C11orf65: variants seen among roughly 807,000 people sequenced by gnomAD.
The protein encoded by C11orf65 is chromosome 11 open reading frame 65, also known as protein MFI.
Under a neutral mutation model 35.3 loss-of-function variants are expected in C11orf65, and 38 were observed. That is an observed-to-expected ratio of 1.08 (90% confidence interval 0.83 to 1.41). The LOEUF (loss-of-function observed/expected upper bound fraction) is 1.41, where lower values mean the gene tolerates loss of function less well. Ranked by LOEUF, C11orf65 falls within the 40% of genes most tolerant of loss-of-function variation. The pLI is 0.00. For synonymous variants in C11orf65, 105 were observed against 114.4 expected (o/e 0.92, Z 0.53); for missense variants, 370 against 367.1 (o/e 1.01, Z -0.06).
intron 2 of C11orf65, among the ~76,000 whole-genome samples, chr11:108,446,775 C>T (rs1432321569): frequency 3.3e-5 from 5 of 152,256 alleles, no homozygotes; most frequent in Non-Finnish European, 7.3e-5. Context: ...CAAATTTACA[C>T]ATAACAATAT....
intron 6 of C11orf65, chr11:108,309,135 T>C (rs2083927884): frequency 4.3e-6 from 4 of 931,248 alleles, no homozygotes; most frequent in Non-Finnish European, 6.6e-6. Flanking sequence ...TCCAAGCTTG[T>C]GCTGTGTAAA....
chr11:108,446,765 C>G (rs1013093611), intron 2 of C11orf65, among the ~76,000 whole-genome samples: 1 of 152,220 alleles, frequency 6.6e-6, no homozygotes, highest in Middle Eastern at 3.4e-3. Flanking sequence ...ATGACAGGAC[C>G]AAATTTACAC....
intron 8 of C11orf65, 51 bp downstream of exon 8, chr11:108,385,869 T>G: frequency 1.4e-6 from 2 of 1,417,410 alleles, no homozygotes. Flanking sequence ...GTGTGGAATG[T>G]ATTTTTTGTT....
chr11:108,460,751 T>C (rs886572370), intron 2 of C11orf65, among the ~76,000 whole-genome samples: 69 of 152,080 alleles, frequency 4.5e-4, no homozygotes, highest in African/African-American at 1.2e-3. Flanking sequence ...GTTGTTGTTG[T>C]TGCTGCTGCT....
chr11:108,393,522 A>G (rs2092221145), intron 6 of C11orf65, 144 bp from the exon 7 acceptor site: 1 of 726,388 alleles, frequency 1.4e-6, no homozygotes, highest in African/African-American at 1.8e-5. Context: ...ACTCAGATGC[A>G]TCTAAACCAA....
At chr11:108,458,967 T>G (rs2093438743) in intron 2 of C11orf65, among the ~76,000 whole-genome samples, 1 of 152,226 alleles carries the variant, frequency 6.6e-6, no homozygotes, top group African/African-American at 2.4e-5. Flanking sequence ...TGTCAGTTTT[T>G]CTAGGCGCTA....
At chr11:108,409,247 G>A (rs2092612901) in intron 3 of C11orf65, among the ~76,000 whole-genome samples, 1 of 151,830 alleles carries the variant, frequency 6.6e-6, no homozygotes, top group African/African-American at 2.4e-5. Flanking sequence ...TATTATTGTT[G>A]GACATTTGAT....
chr11:108,392,860 T>A (rs972776286), intron 7 of C11orf65, among the ~76,000 whole-genome samples: 2 of 152,202 alleles, frequency 1.3e-5, no homozygotes, highest in Non-Finnish European at 2.9e-5. Flanking sequence ...TAGTGTCTCA[T>A]ACAGAAAGGT....
intron 2 of C11orf65, among the ~76,000 whole-genome samples, chr11:108,439,166 G>C (rs952830709): frequency 3.3e-5 from 5 of 152,118 alleles, no homozygotes; most frequent in Admixed American, 2.6e-4. Context: ...GTAAAAATGG[G>C]CAAAGGTCTT....
intron 2 of C11orf65, chr11:108,353,748 C>T (rs2137282809): frequency 6.4e-7 from 1 of 1,569,404 alleles, no homozygotes; most frequent in Non-Finnish European, 8.8e-7. Flanking sequence ...CCTAACTTCA[C>T]TGTATTCTTT....
At chr11:108,435,893 A>AACCCC (rs1338782368) in intron 2 of C11orf65, among the ~76,000 whole-genome samples, 1 of 152,182 alleles carries the variant, frequency 6.6e-6, no homozygotes, top group African/African-American at 2.4e-5. Context: ...ATATGCTGTT[A>AACCCC]CATGGAGAGG....
chr11:108,411,452 C>T (rs966605652), intron 3 of C11orf65, among the ~76,000 whole-genome samples: 3 of 152,192 alleles, frequency 2.0e-5, no homozygotes, highest in Non-Finnish European at 2.9e-5. Flanking sequence ...AAACTGTAGA[C>T]ATTTTGCAGT....
intron 2 of C11orf65, among the ~76,000 whole-genome samples, chr11:108,456,005 A>G (rs1333764679): frequency 1.3e-5 from 2 of 151,556 alleles, no homozygotes; most frequent in Non-Finnish European, 2.9e-5. Flanking sequence ...AAGTACAGAA[A>G]GTATCCAGGC....
In C11orf65 at chr11:108,333,979, A is replaced by G. The variant is rs760588708; in HGVS notation, c.299+1241T>C. 6.3e-7 allele frequency: 1 copy of G among 1,583,666 alleles called. No individual in the cohort carries two copies. Among genetic ancestry groups the G allele is most frequent in the Non-Finnish European group, 8.7e-7 (1 of 1,153,274 alleles). On this transcript the variant is annotated intron_variant, in intron 3 of 3. Coordinates refer to the C11orf65 transcript ENST00000524755. ...ACTATGGAAATTAAGGTAATTTGCA[A>G]TTAACTCTTGATTTTTTTTAAACTA...
chr11:108,449,057 C>T (rs1489405532), intron 2 of C11orf65, among the ~76,000 whole-genome samples: 2 of 152,022 alleles, frequency 1.3e-5, no homozygotes, highest in Admixed American at 6.6e-5. Context: ...GAATAAAATA[C>T]CTGGGAATCC....
At chr11:108,344,978 A>G (rs1299590242) in intron 2 of C11orf65, among the ~76,000 whole-genome samples, 1 of 152,016 alleles carries the variant, frequency 6.6e-6, no homozygotes. Flanking sequence ...ACTCCAGTCC[A>G]GGTGACAGAG....
downstream of C11orf65, among the ~76,000 whole-genome samples, chr11:108,329,989 A>C (rs1299339584): frequency 6.6e-6 from 1 of 152,208 alleles, no homozygotes; most frequent in African/African-American, 2.4e-5. Flanking sequence ...AAGTTAGCTA[A>C]ATAGCTTGGG....
At chr11:108,458,458 T>A (rs1167733573) in intron 2 of C11orf65, among the ~76,000 whole-genome samples, 3 of 151,172 alleles carry the variant, frequency 2.0e-5, no homozygotes, top group Non-Finnish European at 4.4e-5. Context: ...TCAAAGAGGG[T>A]TAGATGCTCA....
chr11:108,322,210 C>T (rs757496344), intron 6 of C11orf65, among the ~76,000 whole-genome samples: 13 of 151,868 alleles, frequency 8.6e-5, no homozygotes, highest in Non-Finnish European at 1.5e-4. Flanking sequence ...GCTGGAGTGT[C>T]ATGGTATAAT....
Sources: gnomAD v4.1 joint callset for allele counts (sites outside exome capture counted in the v4.1 genomes callset) on GRCh38, gnomAD v4.1.1 for gene constraint, MANE v1.5 for transcripts, NCBI Gene and HGNC (gene_info 2026-07-23, HGNC 2026-07-21) for gene names.